The following SSBP2 variants were observed in gnomAD, a reference collection of about 807,000 sequenced individuals.
The protein encoded by SSBP2 is single stranded DNA binding protein 2.
SSBP2 carries 17 observed loss-of-function variants against 61.8 expected under a neutral mutation model. That is an observed-to-expected ratio of 0.28 (90% CI 0.19 to 0.41). The LOEUF (loss-of-function observed/expected upper bound fraction) is 0.41. Among genes scored for constraint, SSBP2 ranks in the 10% least tolerant of loss-of-function variants. SSBP2 has a pLI of 1.00. For missense variants in SSBP2, 310 were observed against 458.7 expected (o/e 0.68, Z 2.96); for synonymous variants, 139 against 141.3 (o/e 0.98, Z 0.12).
chr5:81,517,190 G>A (rs1769095689), intron 4 of SSBP2, among the ~76,000 whole-genome samples: 1 of 152,002 alleles, frequency 6.6e-6, no homozygotes, highest in African/African-American at 2.4e-5. Flanking sequence ...TGGGTTTACA[G>A]TATTTCCTCC....
intron 8 of SSBP2, among the ~76,000 whole-genome samples, chr5:81,471,423 AAATAAT>A (rs915608220): frequency 5.9e-5 from 9 of 152,022 alleles, no homozygotes; most frequent in African/African-American, 2.2e-4. Flanking sequence ...ATAAGTGAAT[AAATAAT>A]AATAACTAAA....
At chr5:81,517,329 G>A (rs2154089665) in intron 4 of SSBP2, among the ~76,000 whole-genome samples, 1 of 148,310 alleles carries the variant, frequency 6.7e-6, no homozygotes, top group East Asian at 2.0e-4. Flanking sequence ...TTTTCTAACT[G>A]CTCTTGAAGC....
intron 4 of SSBP2, among the ~76,000 whole-genome samples, chr5:81,517,403 TTTTA>T (rs1044579893): frequency 1.3e-5 from 2 of 151,658 alleles, no homozygotes; most frequent in African/African-American, 2.4e-5. Context: ...GTGACAACTT[TTTTA>T]TTTCTTTTTC....
chr5:81,701,567 C>T (rs1753985135), intron 1 of SSBP2, among the ~76,000 whole-genome samples: 1 of 152,146 alleles, frequency 6.6e-6, no homozygotes. Flanking sequence ...ACAAGGTGCA[C>T]CTGTACTATG....
chr5:81,566,182 T>C (rs1046645534), intron 4 of SSBP2, among the ~76,000 whole-genome samples: 11 of 152,218 alleles, frequency 7.2e-5, no homozygotes, highest in East Asian at 1.9e-4. Flanking sequence ...TTCTGATGAA[T>C]AGCAGTCTAA....
At chr5:81,713,946 T>C (rs1450419417) in intron 1 of SSBP2, among the ~76,000 whole-genome samples, 1 of 152,174 alleles carries the variant, frequency 6.6e-6, no homozygotes, top group Non-Finnish European at 1.5e-5. Flanking sequence ...CTGGGATACA[T>C]GACCAGAATG....
chr5:81,579,489 T>C (rs1774482122), intron 4 of SSBP2, among the ~76,000 whole-genome samples: 1 of 152,000 alleles, frequency 6.6e-6, no homozygotes. Flanking sequence ...ATTAACAAAA[T>C]AAAAAGGACA....
At position 81,413,601 on chromosome 5, in the gene SSBP2, T is replaced by C. The variant is rs1761211334; in HGVS notation, c.*6903A>G. ...ATAAGTATTCTATTTATAAAGACTTTACCATTTTTTATGCTGAAACAGCAG... is the reference window on the plus strand; with the variant it reads ...ATAAGTATTCTATTTATAAAGACTTCACCATTTTTTATGCTGAAACAGCAG... On this transcript the variant is annotated 3_prime_UTR_variant, in exon 17 of 17. Transcript: ENST00000320672. 1 of 152,202 alleles carries C rather than the reference T, an allele frequency of 6.6e-6. No individual in the cohort carries two copies. The highest frequency in any genetic ancestry group is 2.4e-5 in the African/African-American group (1 of 41,458). 9.4% of individuals were successfully genotyped at this position (152,202 alleles called of 1,614,324 possible).
At chr5:81,723,574 A>C (rs1051177436) in intron 1 of SSBP2, among the ~76,000 whole-genome samples, 1 of 152,010 alleles carries the variant, frequency 6.6e-6, no homozygotes, top group African/African-American at 2.4e-5. Flanking sequence ...AAGTGCAGGC[A>C]TATCTTTAAC....
rs1290764697 is a variant in SSBP2, at chr5:81,414,207, C to A, written c.*6297G>T. Reference sequence around the variant, plus strand: ...CCAGTAAATTTGCAAAGAGAGGAGACAAACTGTAATTGTATACATAAAAAC... The same window carrying A: ...CCAGTAAATTTGCAAAGAGAGGAGAAAAACTGTAATTGTATACATAAAAAC... On this transcript the variant is annotated 3_prime_UTR_variant, in exon 17 of 17. Coordinates refer to ENST00000320672, the MANE Select transcript of SSBP2 (RefSeq NM_012446.5). 6.6e-6 allele frequency: 1 copy of A among 152,026 alleles called. No homozygotes were observed. Among genetic ancestry groups the A allele is most frequent in the Non-Finnish European group, 1.5e-5 (1 of 67,966 alleles). 9.4% of individuals were successfully genotyped at this position (152,026 alleles called of 1,614,324 possible). A position where few individuals can be genotyped will look rare whatever the true frequency, so the allele number is the denominator to read the frequency against.
In SSBP2 at chr5:81,416,644, C is replaced by T. The variant is rs190660059; in HGVS notation, c.*3860G>A. On this transcript the variant is annotated 3_prime_UTR_variant, in exon 17 of 17. Coordinates refer to ENST00000320672, the MANE Select transcript of SSBP2 (RefSeq NM_012446.5). Reference sequence around the variant, plus strand: ...TAGACAGATGTGGGACTTCTTCATGCCCCAAACTGAACTTACTTATTTTCA... The same window carrying T: ...TAGACAGATGTGGGACTTCTTCATGTCCCAAACTGAACTTACTTATTTTCA... The T allele has an allele frequency of 6.6e-6, 1 of 152,296 alleles. No homozygotes were observed. The highest frequency in any genetic ancestry group is 2.4e-5 in the African/African-American group (1 of 41,566). The allele number at this position is 152,296 out of a possible 1,614,324, so 9.4% of individuals were successfully genotyped here. A position where few individuals can be genotyped will look rare whatever the true frequency, so the allele number is the denominator to read the frequency against.
intron 4 of SSBP2, among the ~76,000 whole-genome samples, chr5:81,541,636 A>T (rs1042213348): frequency 1.3e-5 from 2 of 152,202 alleles, no homozygotes; most frequent in Non-Finnish European, 2.9e-5. Flanking sequence ...CAGCCATCTG[A>T]TCTTTGACAA....
At chr5:81,731,801 TTG>T (rs199568867) in intron 1 of SSBP2, among the ~76,000 whole-genome samples, 2,463 of 151,410 alleles carry the variant, frequency 0.016, 74 homozygotes, top group African/African-American at 0.056. Context: ...CCAAACAGAA[TTG>T]TCTTTTATTA....
intron 1 of SSBP2, among the ~76,000 whole-genome samples, chr5:81,662,196 T>A (rs1444691472): frequency 6.6e-6 from 1 of 152,226 alleles, no homozygotes. Flanking sequence ...CCAGGTGTGG[T>A]GGCTCATGCC....
At chr5:81,559,807 A>C (rs192184154) in intron 4 of SSBP2, among the ~76,000 whole-genome samples, 1 of 152,154 alleles carries the variant, frequency 6.6e-6, no homozygotes, top group Non-Finnish European at 1.5e-5. Context: ...CAAAATCTTA[A>C]ACGTCAAAAA....
intron 16 of SSBP2, among the ~76,000 whole-genome samples, chr5:81,423,639 G>C (rs1761754511): frequency 2.6e-5 from 4 of 152,082 alleles, no homozygotes; most frequent in Admixed American, 2.6e-4. Context: ...TAGCTACTCA[G>C]GAGGCTGAGG....
intron 1 of SSBP2, among the ~76,000 whole-genome samples, chr5:81,740,363 C>T (rs942142790): frequency 1.3e-4 from 19 of 149,386 alleles, no homozygotes; most frequent in African/African-American, 4.2e-4. Flanking sequence ...GGATAGCTAG[C>T]GCTTAAATAT....
intron 4 of SSBP2, among the ~76,000 whole-genome samples, chr5:81,513,923 CTT>C (rs1462014427): frequency 6.6e-6 from 1 of 152,076 alleles, no homozygotes; most frequent in Non-Finnish European, 1.5e-5. Flanking sequence ...TCTCTTTAAA[CTT>C]TGTGAAGTCA....
At chr5:81,668,597 TA>T (rs1384090666) in intron 1 of SSBP2, among the ~76,000 whole-genome samples, 1 of 152,180 alleles carries the variant, frequency 6.6e-6, no homozygotes, top group Non-Finnish European at 1.5e-5. Flanking sequence ...TGGTTATTTT[TA>T]GCCAGTTGAA....
Sources: allele counts gnomAD v4.1 joint callset (sites outside exome capture counted in the v4.1 genomes callset), GRCh38; gene constraint gnomAD v4.1.1; transcripts MANE v1.5; gene names NCBI Gene and HGNC (gene_info 2026-07-23, HGNC 2026-07-21).